TTC7B: variants seen among roughly 807,000 people sequenced by gnomAD.
The protein encoded by TTC7B is tetratricopeptide repeat protein 7B.
A neutral mutation model predicts 106.8 loss-of-function variants in TTC7B; 28 were observed. The ratio of observed to expected loss-of-function variants is 0.26; its 90% CI spans 0.19 to 0.36. The LOEUF is 0.36. Among genes scored for constraint, TTC7B ranks in the 10% least tolerant of loss-of-function variants. The pLI, the probability that TTC7B is intolerant of heterozygous loss-of-function variation, is 1.00. For missense variants in TTC7B, 862 were observed against 1,076.4 expected (o/e 0.80, Z 2.79); for synonymous variants, 405 against 430.6 (o/e 0.94, Z 0.74).
chr14:90,726,080 T>A (rs1889090836), intron 5 of TTC7B, among the ~76,000 whole-genome samples: 1 of 152,218 alleles, frequency 6.6e-6, no homozygotes, highest in African/African-American at 2.4e-5. Flanking sequence ...CATTCCAGCC[T>A]GGGCCATAGA....
intron 6 of TTC7B, among the ~76,000 whole-genome samples, chr14:90,690,808 G>A (rs932473098): frequency 1.3e-5 from 2 of 152,186 alleles, no homozygotes; most frequent in African/African-American, 4.8e-5. Context: ...GCTTTGCTAA[G>A]CTTTCATCCA....
At chr14:90,558,795 C>T (rs1007683254) in intron 19 of TTC7B, among the ~76,000 whole-genome samples, 1 of 152,214 alleles carries the variant, frequency 6.6e-6, no homozygotes, top group Non-Finnish European at 1.5e-5. Flanking sequence ...AAACGGGCGG[C>T]TTGCCAGAAA....
intron 5 of TTC7B, among the ~76,000 whole-genome samples, chr14:90,711,475 G>A (rs1242746088): frequency 2.0e-5 from 3 of 152,188 alleles, no homozygotes; most frequent in South Asian, 2.1e-4. Context: ...AGGCTGGAGT[G>A]CACTGGTGCA....
intron 4 of TTC7B, among the ~76,000 whole-genome samples, chr14:90,733,294 C>T (rs1360352155): frequency 2.6e-5 from 4 of 151,874 alleles, no homozygotes; most frequent in African/African-American, 9.7e-5. Flanking sequence ...GTGAGGTGCC[C>T]GAATCATGTG....
At chr14:90,737,722 C>T (rs1889598303) in intron 4 of TTC7B, among the ~76,000 whole-genome samples, 1 of 151,936 alleles carries the variant, frequency 6.6e-6, no homozygotes, top group Non-Finnish European at 1.5e-5. Flanking sequence ...CCACGCCCGA[C>T]CAATTTTTGT....
At position 90,816,415 on chromosome 14, in the gene TTC7B, A is replaced by G; in HGVS notation, c.-120T>C. On this transcript the variant is annotated 5_prime_UTR_variant, in exon 1 of 20. Coordinates refer to ENST00000328459, the MANE Select transcript of TTC7B (RefSeq NM_001010854.2). ...GCTCCGGCTCCCGGCTCCGCGGCGTAACGGGAGCGCCGGCTGGGGAAGGGG... is the reference window on the plus strand; with the variant it reads ...GCTCCGGCTCCCGGCTCCGCGGCGTGACGGGAGCGCCGGCTGGGGAAGGGG... 2 of 458,950 alleles carry G rather than the reference A, an allele frequency of 4.4e-6. No homozygotes were observed. The highest frequency in any genetic ancestry group is 5.7e-6 in the Non-Finnish European group (2 of 353,832). 28.4% of individuals were successfully genotyped at this position (458,950 alleles called of 1,614,324 possible).
In TTC7B at chr14:90,770,165, A is replaced by C. The variant is rs1411461409; in HGVS notation, c.445+10573T>G. Among the ~76,000 whole-genome samples, 20 of 152,200 alleles carry C rather than the reference A, an allele frequency of 1.3e-4. No individual in the cohort carries two copies. The South Asian group carries it at 3.1e-3, about 24-fold the overall frequency. On this transcript the variant is annotated intron_variant, in intron 3 of 19. Transcript: ENST00000328459. ...CTCCATCTCTGAAAATAAGTAAACA[A>C]ATAAGAGACAAAGAAGGATGTTATA...
chr14:90,541,400 C>A lies in TTC7B; in HGVS notation c.2500G>T (p.Val834Leu), dbSNP rs767640360. The A allele has an allele frequency of 6.2e-7, 1 of 1,608,010 alleles. No individual in the cohort carries two copies. Among genetic ancestry groups the A allele is most frequent in the Non-Finnish European group, 8.5e-7 (1 of 1,177,130 alleles). The change falls in exon 20 of 20, where the codon GTG (valine) becomes TTG (leucine). Residue 834 changes from valine (V) to leucine (L), a missense_variant. By Grantham distance (32) the Val-to-Leu change is conservative. Transcript: ENST00000328459. ...ALELEASSPA[V>L]PFTIIPRVL ...ACGCGGGGGATGATGGTGAAGGGCA[C>A]GGCGGGGCTGCTGGCCTCCAGCTCC...
chr14:90,659,251 AGT>A (rs969267159), intron 9 of TTC7B, among the ~76,000 whole-genome samples: 5 of 136,902 alleles, frequency 3.7e-5, no homozygotes, highest in African/African-American at 5.9e-5. Context: ...GAGTGTGTGG[AGT>A]GTGTGTGTGT....
intron 3 of TTC7B, among the ~76,000 whole-genome samples, chr14:90,758,299 A>C (rs1890374581): frequency 7.1e-6 from 1 of 140,774 alleles, no homozygotes; most frequent in Non-Finnish European, 1.5e-5. Flanking sequence ...CACCTGCGCG[A>C]GATGCAGGGC....
At chr14:90,711,310 C>T (rs556061871) in intron 5 of TTC7B, among the ~76,000 whole-genome samples, 144 of 152,008 alleles carry the variant, frequency 9.5e-4, no homozygotes, top group African/African-American at 3.4e-3. Context: ...ACAAAGAAGA[C>T]GGGGGAAATG....
In TTC7B at chr14:90,578,054, A is replaced by G; in HGVS notation, c.2310+52T>C. The G allele has an allele frequency of 1.3e-6, 2 of 1,559,082 alleles. No individual in the cohort carries two copies. Among genetic ancestry groups the G allele is most frequent in the Non-Finnish European group, 8.7e-7 (1 of 1,150,828 alleles). Reference sequence around the variant, plus strand: ...GGGTCATGTGCTACCTGCCGCTTCCAAGGGCTGTCCCCATGCCAGAGTAGG... The same window carrying G: ...GGGTCATGTGCTACCTGCCGCTTCCGAGGGCTGTCCCCATGCCAGAGTAGG... On this transcript the variant is annotated intron_variant, in intron 19 of 19. Transcript: ENST00000328459. This position sits in a 1 kb window ranked among gnomAD's most constrained non-coding sequence, Gnocchi z 4.7.
At chr14:90,645,189 C>T (rs1348202569) in intron 14 of TTC7B, 1 of 152,264 alleles carries the variant, frequency 6.6e-6, no homozygotes, top group African/African-American at 2.4e-5. Context: ...TTCCCAAACC[C>T]TCAGTAACCT....
chr14:90,589,451 TAATACAATGTA>T (rs1891863192), intron 18 of TTC7B, among the ~76,000 whole-genome samples: 1 of 152,254 alleles, frequency 6.6e-6, no homozygotes, highest in African/African-American at 2.4e-5. Flanking sequence ...TTAAAATACC[TAATACAATGTA>T]AATGCTATTT....
At chr14:90,602,049 C>A (rs184313201) in intron 17 of TTC7B, 1 of 452,168 alleles carries the variant, frequency 2.2e-6, no homozygotes, top group South Asian at 1.6e-5. Context: ...AATAAAGGCA[C>A]ATCTAGGTTG....
rs533825801 is a variant in TTC7B at position 90,703,134 on chromosome 14, A to G, written c.699-7556T>C. On this transcript the variant is annotated intron_variant, in intron 5 of 19. Transcript: ENST00000328459. The stretch of plus-strand genomic sequence containing the variant: ...TGGCCAGAGCTGGAAGACAAGCATG[A>G]GGGCGGGGTCCCCGTCAGCCTGCTT... Among the ~76,000 whole-genome samples, 18 of 152,322 alleles carry G rather than the reference A, an allele frequency of 1.2e-4. No homozygotes were observed. The South Asian group carries it at 3.7e-3, about 32-fold the overall frequency.
chr14:90,641,932 T>C (rs1036477214), intron 15 of TTC7B, among the ~76,000 whole-genome samples: 24 of 131,374 alleles, frequency 1.8e-4, no homozygotes, highest in African/African-American at 4.9e-4. Context: ...TGTGTGTGTG[T>C]GCGTGTGTGT....
intron 19 of TTC7B, among the ~76,000 whole-genome samples, chr14:90,572,407 G>A (rs1275383666): frequency 6.6e-6 from 1 of 152,190 alleles, no homozygotes; most frequent in Non-Finnish European, 1.5e-5. Context: ...CTCACATCGT[G>A]GGGCCATCTC....
chr14:90,780,414 A>T (rs1891172314), intron 3 of TTC7B, among the ~76,000 whole-genome samples: 1 of 75,502 alleles, frequency 1.3e-5, no homozygotes, highest in Admixed American at 1.0e-4. Flanking sequence ...AAACAGAGAA[A>T]GAAAGAAAGA....
Sources: gnomAD v4.1 joint callset for allele counts (sites outside exome capture counted in the v4.1 genomes callset) on GRCh38, gnomAD v4.1.1 for gene constraint, Gnocchi (gnomAD v3.1) non-coding constraint, MANE v1.5 for transcripts, NCBI Gene and HGNC (gene_info 2026-07-23, HGNC 2026-07-21) for gene names.